The following BOLL variants were observed in gnomAD, a reference collection of about 807,000 sequenced individuals.
BOLL encodes protein boule-like.
In BOLL, 23 loss-of-function variants were observed where a neutral mutation model predicts 44.4. That is an observed-to-expected ratio of 0.52 (90% CI 0.37 to 0.73). BOLL has a LOEUF of 0.73. Among genes scored for constraint, BOLL ranks in the 30% least tolerant of loss-of-function variants. The pLI, the probability that BOLL is intolerant of heterozygous loss-of-function variation, is 0.00. For missense variants in BOLL, 287 were observed against 338.3 expected (o/e 0.85, Z 1.19); for synonymous variants, 97 against 110.8 (o/e 0.88, Z 0.78).
intron 6 of BOLL, among the ~76,000 whole-genome samples, chr2:197,771,170 A>G (rs981176469): frequency 2.6e-5 from 4 of 152,072 alleles, no homozygotes; most frequent in African/African-American, 4.8e-5. Flanking sequence ...ATGCAGCCAT[A>G]AAAAGGATGA....
chr2:197,768,156 C>T (rs1689082274), intron 6 of BOLL, among the ~76,000 whole-genome samples: 1 of 151,936 alleles, frequency 6.6e-6, no homozygotes, highest in Non-Finnish European at 1.5e-5. Context: ...AAACTATAGT[C>T]TACTAAGAAT....
At chr2:197,769,823 A>G (rs1689157178) in intron 6 of BOLL, among the ~76,000 whole-genome samples, 1 of 152,194 alleles carries the variant, frequency 6.6e-6, no homozygotes, top group Admixed American at 6.5e-5. Context: ...AAGGAGAACT[A>G]CAAACCACTG....
chr2:197,758,123 G>A (rs185336026), intron 7 of BOLL, among the ~76,000 whole-genome samples: 10 of 152,238 alleles, frequency 6.6e-5, no homozygotes, highest in East Asian at 3.9e-4. Context: ...CAAAGTTACC[G>A]TATGACCCAG....
chr2:197,745,050 G>A (rs141074903), intron 9 of BOLL, among the ~76,000 whole-genome samples: 100 of 152,298 alleles, frequency 6.6e-4, no homozygotes, highest in Admixed American at 2.3e-3. Context: ...TACAGGTAAA[G>A]TTTGTGTTTC....
chr2:197,741,969 A>G (rs544980070), intron 10 of BOLL, among the ~76,000 whole-genome samples: 117 of 152,364 alleles, frequency 7.7e-4, no homozygotes, highest in Non-Finnish European at 1.2e-3. Context: ...ACAAATTTAC[A>G]AGAAAAAAAC....
chr2:197,780,964 G>A (rs1420124848), intron 2 of BOLL, among the ~76,000 whole-genome samples: 1 of 152,004 alleles, frequency 6.6e-6, no homozygotes, highest in African/African-American at 2.4e-5. Context: ...TGCACATCAT[G>A]TCATGAACTA....
At chr2:197,768,793 G>A (rs1689107334) in intron 6 of BOLL, among the ~76,000 whole-genome samples, 1 of 147,122 alleles carries the variant, frequency 6.8e-6, no homozygotes, top group Non-Finnish European at 1.5e-5. Flanking sequence ...TACTGACTGT[G>A]GGTTTATCAT....
intron 7 of BOLL, among the ~76,000 whole-genome samples, chr2:197,758,300 C>G (rs1270609712): frequency 1.3e-5 from 2 of 152,068 alleles, no homozygotes; most frequent in African/African-American, 4.8e-5. Flanking sequence ...ACAGTGTATC[C>G]ATACAATGGG....
intron 10 of BOLL, among the ~76,000 whole-genome samples, chr2:197,731,748 G>A (rs1687192159): frequency 1.3e-5 from 2 of 151,952 alleles, no homozygotes; most frequent in Admixed American, 1.3e-4. Context: ...CAGAAATAAA[G>A]ATGTTCTTTG....
Position 197,771,864 on chromosome 2 carries a change from C to A in BOLL, c.471G>T (p.Pro157=), listed in dbSNP as rs764600461. 6 of 1,582,878 alleles carry A rather than the reference C, an allele frequency of 3.8e-6. No individual in the cohort carries two copies. The South Asian group carries it at 7.2e-5, about 19-fold the overall frequency. The change falls in exon 6 of 11, where the codon CCG becomes CCT. Residue 157 remains proline (P), a synonymous_variant. Coordinates refer to ENST00000392296, the MANE Select transcript of BOLL (RefSeq NM_033030.6). ...AAATGAAATTACTTACAGGCCAAGGCGGTGGGACCGAAGTTACCTCTGGAG... is the reference window on the plus strand; with the variant it reads ...AAATGAAATTACTTACAGGCCAAGGAGGTGGGACCGAAGTTACCTCTGGAG... ...FHTPEVTSVP[P]PWPSRSVCSS... is the part of the protein sequence containing the mutation.
chr2:197,782,470 G>A (rs1013537828), intron 1 of BOLL, among the ~76,000 whole-genome samples: 3 of 152,118 alleles, frequency 2.0e-5, no homozygotes, highest in Non-Finnish European at 2.9e-5. Flanking sequence ...TTTTAGCCTC[G>A]ATCCATTTTT....
rs185014012 is a variant in BOLL, at chr2:197,773,694, T to C, written c.353-1712A>G. Among the ~76,000 whole-genome samples the C allele has an allele frequency of 4.5e-4, 68 of 151,962 alleles. 2 individuals are homozygous for C. The South Asian group carries it at 1.0e-2, about 22-fold the overall frequency. On this transcript the variant is annotated intron_variant, in intron 5 of 10. Transcript: ENST00000392296. ...TTCTGAGAACAGGAGTATAGAATGT[T>C]CTGGAACTGAAAGAAGGCTACATGG...
chr2:197,754,132 G>C (rs544554142), intron 9 of BOLL, among the ~76,000 whole-genome samples: 1 of 152,230 alleles, frequency 6.6e-6, no homozygotes, highest in African/African-American at 2.4e-5. Flanking sequence ...ACCAGGGCCT[G>C]TCAGGGGGTC....
At position 197,736,854 on chromosome 2, in the gene BOLL, T is replaced by G. The variant is rs554773643; in HGVS notation, c.828+6207A>C. Among the ~76,000 whole-genome samples, 4 of 152,266 alleles carry G rather than the reference T, an allele frequency of 2.6e-5. No individual in the cohort carries two copies. The East Asian group carries it at 7.7e-4, about 29-fold the overall frequency. Reference sequence around the variant, plus strand: ...ATTCTTTTCTTGAGAATTACTATTTTTTTGGTTGGACCTGTCTCTCTGCTC... The same window carrying G: ...ATTCTTTTCTTGAGAATTACTATTTGTTTGGTTGGACCTGTCTCTCTGCTC... On this transcript the variant is annotated intron_variant, in intron 10 of 10. Coordinates refer to ENST00000392296, the MANE Select transcript of BOLL (RefSeq NM_033030.6).
At chr2:197,754,577 G>A (rs1301168872) in intron 9 of BOLL, among the ~76,000 whole-genome samples, 1 of 152,134 alleles carries the variant, frequency 6.6e-6, no homozygotes, top group Non-Finnish European at 1.5e-5. Flanking sequence ...AGCTGGGCAT[G>A]GTGGCACGTG....
At chr2:197,732,022 C>G (rs1400394133) in intron 10 of BOLL, among the ~76,000 whole-genome samples, 1 of 150,248 alleles carries the variant, frequency 6.7e-6, no homozygotes, top group Non-Finnish European at 1.5e-5. Context: ...AATCCAGGAG[C>G]TGGTTTTTTG....
chr2:197,766,818 T>A (rs773138195), intron 6 of BOLL, among the ~76,000 whole-genome samples: 1 of 152,054 alleles, frequency 6.6e-6, no homozygotes, highest in South Asian at 2.1e-4. Flanking sequence ...TCCATAGTAA[T>A]GCTAAAACAA....
In BOLL at chr2:197,728,049, A is replaced by G. The variant is rs1388649651; in HGVS notation, c.*506T>C. On this transcript the variant is annotated 3_prime_UTR_variant, in exon 11 of 11. Coordinates refer to ENST00000392296, the MANE Select transcript of BOLL (RefSeq NM_033030.6). ...TAGACAAAAGCATATTAAATGACAA[A>G]ACAGCAAAGCAAAAATAGAATTGTC... is the stretch of plus-strand genomic sequence containing the variant. The G allele has an allele frequency of 6.5e-6, 1 of 154,868 alleles. No homozygotes were observed. Among genetic ancestry groups the G allele is most frequent in the African/African-American group, 2.4e-5 (1 of 41,578 alleles). The allele number at this position is 154,868 out of a possible 1,614,324, so 9.6% of individuals were successfully genotyped here.
At chr2:197,732,103 C>T (rs1217933016) in intron 10 of BOLL, among the ~76,000 whole-genome samples, 5 of 149,834 alleles carry the variant, frequency 3.3e-5, no homozygotes, top group Non-Finnish European at 5.9e-5. Flanking sequence ...ATCAAATAGA[C>T]GCAATAAAAA....
Sources: allele counts gnomAD v4.1 joint callset (sites outside exome capture counted in the v4.1 genomes callset), GRCh38; gene constraint gnomAD v4.1.1; transcripts MANE v1.5; gene names NCBI Gene and HGNC (gene_info 2026-07-23, HGNC 2026-07-21).